The following DLGAP2 variants were observed in gnomAD, a reference collection of about 807,000 sequenced individuals.
DLGAP2 encodes the protein DLG associated protein 2, also known as disks large-associated protein 2.
A neutral mutation model predicts 100.3 loss-of-function variants in DLGAP2; 26 were observed. That is an observed-to-expected ratio of 0.26 (90% CI 0.19 to 0.36). DLGAP2 has a LOEUF of 0.36. DLGAP2 is among the 10% of genes least tolerant of loss of function. The probability of loss-of-function intolerance (pLI) is 1.00; values close to 1 mark genes in which losing one functional copy is unlikely to be tolerated. For synonymous variants in DLGAP2, 886 were observed against 630.1 expected (o/e 1.41, Z -6.08); for missense variants, 1,858 against 1,453.2 (o/e 1.28, Z -4.53).
chr8:1,028,496 C>T lies in DLGAP2; in HGVS notation c.73+120530C>T, dbSNP rs189212071. ...TTTATTCTCCAGGTGGGGTGCCAGG[C>T]GCCCGTTATTCTCCACATGCGGTGC... On this transcript the variant is annotated intron_variant, in intron 2 of 14. Transcript: ENST00000637795. Among the ~76,000 whole-genome samples, 745 of 151,954 alleles carry T rather than the reference C, an allele frequency of 4.9e-3. 5 individuals carry two copies. The highest frequency in any genetic ancestry group is 0.017 in the African/African-American group (696 of 41,430).
At chr8:1,666,251 A>C (rs187399987) in intron 8 of DLGAP2, among the ~76,000 whole-genome samples, 2 of 152,196 alleles carry the variant, frequency 1.3e-5, no homozygotes, top group African/African-American at 2.4e-5. Flanking sequence ...AAAGAAAAAA[A>C]GACAGGATTT....
intron 2 of DLGAP2, among the ~76,000 whole-genome samples, chr8:1,231,752 C>T (rs572519260): frequency 6.6e-6 from 1 of 152,102 alleles, no homozygotes; most frequent in East Asian, 1.9e-4. Context: ...TGAATGTTCT[C>T]ATTTGGAAGT....
At position 1,462,229 on chromosome 8, in the gene DLGAP2, G is replaced by A. The variant is rs1475748022; in HGVS notation, c.107-39137G>A. ...GGCCAGGAGGAGGGAGAAGGGTGGC[G>A]TTCAGGTTGGGAGAAGGTGCTGCTG... On this transcript the variant is annotated intron_variant, in intron 3 of 14. Coordinates refer to ENST00000637795, the MANE Select transcript of DLGAP2 (RefSeq NM_001346810.2). 2.1e-4 allele frequency among the ~76,000 whole-genome samples: 14 copies of A among 66,680 alleles called. 1 individual carries two copies. Among genetic ancestry groups the A allele is most frequent in the East Asian group, 4.1e-3 (2 of 488 alleles). 43.7% of individuals were successfully genotyped at this position (66,680 alleles called of 152,430 possible). A position where few individuals can be genotyped will look rare whatever the true frequency, so the allele number is the denominator to read the frequency against.
intron 2 of DLGAP2, among the ~76,000 whole-genome samples, chr8:972,053 G>T (rs1800027795): frequency 6.6e-6 from 1 of 152,138 alleles, no homozygotes; most frequent in Non-Finnish European, 1.5e-5. Context: ...TCCTATTTAA[G>T]AAGTCATCTT....
intron 1 of DLGAP2, among the ~76,000 whole-genome samples, chr8:863,647 G>C (rs1797435422): frequency 6.6e-6 from 1 of 152,150 alleles, no homozygotes; most frequent in African/African-American, 2.4e-5. Flanking sequence ...CGGATCATCG[G>C]GGAGATACAA....
chr8:771,340 G>C (rs1044155495), intron 1 of DLGAP2, among the ~76,000 whole-genome samples: 5 of 152,224 alleles, frequency 3.3e-5, no homozygotes, highest in Non-Finnish European at 7.3e-5. Flanking sequence ...TGAATGCTTA[G>C]ATTTAAATAC....
intron 12 of DLGAP2, among the ~76,000 whole-genome samples, chr8:1,681,973 C>T (rs1798961675): frequency 2.1e-5 from 3 of 140,666 alleles, no homozygotes; most frequent in Admixed American, 2.0e-4. Flanking sequence ...GACTGGGAGT[C>T]ACGGCCCTCT....
intron 2 of DLGAP2, among the ~76,000 whole-genome samples, chr8:1,159,699 A>C (rs1224389713): frequency 6.6e-6 from 1 of 152,248 alleles, no homozygotes; most frequent in Non-Finnish European, 1.5e-5. Flanking sequence ...CATTCCGCAG[A>C]TGGCTGGTGC....
chr8:1,118,537 A>G (rs1563201303), intron 2 of DLGAP2, among the ~76,000 whole-genome samples: 1 of 138,458 alleles, frequency 7.2e-6, no homozygotes, highest in Admixed American at 7.5e-5. Context: ...CTGTGCGAAT[A>G]GAAATGAATG....
At chr8:905,503 T>C (rs1798360892) in intron 1 of DLGAP2, among the ~76,000 whole-genome samples, 1 of 152,128 alleles carries the variant, frequency 6.6e-6, no homozygotes, top group Non-Finnish European at 1.5e-5. Flanking sequence ...AAACAGGCCC[T>C]GGCAGATGCA....
At chr8:1,411,629 G>A (rs1796733785) in intron 3 of DLGAP2, among the ~76,000 whole-genome samples, 1 of 152,216 alleles carries the variant, frequency 6.6e-6, no homozygotes, top group South Asian at 2.1e-4. Flanking sequence ...TCCTGGCCTG[G>A]TTTATCCTCT....
intron 1 of DLGAP2, among the ~76,000 whole-genome samples, chr8:751,304 G>T (rs1189728634): frequency 6.7e-6 from 1 of 150,184 alleles, no homozygotes; most frequent in Non-Finnish European, 1.5e-5. Flanking sequence ...TGGATCTCCG[G>T]CCACCCTCTC....
intron 3 of DLGAP2, among the ~76,000 whole-genome samples, chr8:1,459,616 C>A (rs560722577): frequency 1.3e-5 from 2 of 151,926 alleles, no homozygotes; most frequent in African/African-American, 4.8e-5. Context: ...TGGGAGCAGG[C>A]CTAGAGCACT....
intron 1 of DLGAP2, among the ~76,000 whole-genome samples, chr8:745,905 A>C (rs1016556641): frequency 2.6e-5 from 4 of 152,218 alleles, no homozygotes; most frequent in Non-Finnish European, 5.9e-5. Flanking sequence ...CAGAAAGAGG[A>C]ACCCTAGAAG....
Position 1,008,454 on chromosome 8 carries a change from T to C in DLGAP2, c.73+100488T>C, listed in dbSNP as rs908662662. On this transcript the variant is annotated intron_variant, in intron 2 of 14. Transcript: ENST00000637795. ...CAACTCAACTTTTAAAAAGAAGTAA[T>C]TGTGTTCTTGGAAAGGAAACAAAGC... is the stretch of plus-strand genomic sequence containing the variant. 3.9e-5 allele frequency among the ~76,000 whole-genome samples: 6 copies of C among 152,216 alleles called. No individual in the cohort carries two copies. In the East Asian group the frequency reaches 5.8e-4, roughly 15 times the overall value.
chr8:1,264,684 A>AGAT, intron 3 of DLGAP2, among the ~76,000 whole-genome samples: 1 of 152,160 alleles, frequency 6.6e-6, no homozygotes, highest in Non-Finnish European at 1.5e-5. Context: ...TCTCCACTAT[A>AGAT]AAATAGTACC....
chr8:749,545 T>C (rs10481384), intron 1 of DLGAP2, among the ~76,000 whole-genome samples: 108,866 of 152,056 alleles, frequency 0.72, 39,312 homozygotes, highest in African/African-American at 0.81. Flanking sequence ...CGATGTGTAA[T>C]GTTCCCGTAT....
intron 6 of DLGAP2, among the ~76,000 whole-genome samples, chr8:1,601,708 C>A (rs1378385063): frequency 2.6e-5 from 4 of 152,142 alleles, no homozygotes; most frequent in African/African-American, 9.7e-5. Flanking sequence ...TGAGACCAAG[C>A]CTGGTCTGCT....
chr8:1,593,604 A>G (rs1159382080), intron 6 of DLGAP2, among the ~76,000 whole-genome samples: 3 of 152,134 alleles, frequency 2.0e-5, no homozygotes, highest in Admixed American at 6.6e-5. Context: ...ACAGCACCCT[A>G]CAATCAGGAA....
Sources: gnomAD v4.1 joint callset for allele counts (sites outside exome capture counted in the v4.1 genomes callset) on GRCh38, gnomAD v4.1.1 for gene constraint, MANE v1.5 for transcripts, NCBI Gene and HGNC (gene_info 2026-07-23, HGNC 2026-07-21) for gene names.